STK32A: variants seen among roughly 807,000 people sequenced by gnomAD.
STK32A encodes the protein serine/threonine kinase 32A.
STK32A carries 41 observed loss-of-function variants against 53.2 expected under a neutral mutation model. The ratio of observed to expected loss-of-function variants is 0.77; its 90% confidence interval spans 0.60 to 1.00. The LOEUF (loss-of-function observed/expected upper bound fraction) is 1.00. STK32A is among the 50% of genes least tolerant of loss of function. The probability of loss-of-function intolerance (pLI) is 0.00; values close to 1 mark genes in which losing one functional copy is unlikely to be tolerated. For missense variants in STK32A, 458 were observed against 485.8 expected (o/e 0.94, Z 0.54); for synonymous variants, 166 against 162.8 (o/e 1.02, Z -0.15).
intron 11 of STK32A, among the ~76,000 whole-genome samples, chr5:147,382,218 C>T (rs73262284): frequency 6.6e-6 from 1 of 152,162 alleles, no homozygotes; most frequent in African/African-American, 2.4e-5. Context: ...GCCGTTGAAA[C>T]CCTGTAGCAA....
At chr5:147,364,739 A>G (rs1206408055) in intron 8 of STK32A, among the ~76,000 whole-genome samples, 4 of 152,120 alleles carry the variant, frequency 2.6e-5, no homozygotes, top group Non-Finnish European at 5.9e-5. Context: ...TTTTTGTAAT[A>G]AGGCCACTAA....
chr5:147,367,178 G>A (rs145653681), intron 8 of STK32A, among the ~76,000 whole-genome samples: 317 of 151,292 alleles, frequency 2.1e-3, no homozygotes, highest in African/African-American at 7.4e-3. Flanking sequence ...CAACCCTCCC[G>A]CCTGAGCCTC....
intron 4 of STK32A, among the ~76,000 whole-genome samples, chr5:147,305,237 A>C (rs1753345424): frequency 6.6e-6 from 1 of 152,184 alleles, no homozygotes; most frequent in Non-Finnish European, 1.5e-5. Flanking sequence ...GGAGAAAAGG[A>C]AAAAGAAAGA....
chr5:147,380,919 T>A (rs1341077154), intron 11 of STK32A, among the ~76,000 whole-genome samples: 2 of 152,222 alleles, frequency 1.3e-5, no homozygotes, highest in Non-Finnish European at 2.9e-5. Context: ...ATTAGCCTCT[T>A]ATACAAATAT....
intron 7 of STK32A, among the ~76,000 whole-genome samples, chr5:147,356,782 A>G (rs1325310948): frequency 6.6e-6 from 1 of 152,136 alleles, no homozygotes; most frequent in African/African-American, 2.4e-5. Context: ...GCCAACCAGT[A>G]TAGTGCAAAT....
At chr5:147,358,668 G>A (rs767893557) in intron 7 of STK32A, among the ~76,000 whole-genome samples, 3 of 152,050 alleles carry the variant, frequency 2.0e-5, no homozygotes, top group Non-Finnish European at 4.4e-5. Context: ...AGACACCAAA[G>A]AATACAAGGA....
chr5:147,335,808 C>T (rs964246098), intron 5 of STK32A, among the ~76,000 whole-genome samples: 4 of 151,998 alleles, frequency 2.6e-5, no homozygotes, highest in Admixed American at 1.3e-4. Flanking sequence ...TGTGTGTGCG[C>T]GCGTGCATGC....
intron 8 of STK32A, among the ~76,000 whole-genome samples, chr5:147,366,218 A>T (rs1756735631): frequency 6.6e-6 from 1 of 152,070 alleles, no homozygotes; most frequent in Non-Finnish European, 1.5e-5. Context: ...GCCTCTTAGA[A>T]CTTCTTCCTC....
Position 147,314,989 on chromosome 5 carries a change from T to G in STK32A, c.261-8909T>G, listed in dbSNP as rs146257126. ...GAAACTCCTGGGTTGAAGCAATCTT[T>G]CTGCCTCAGCCCCCCAAAGTGCTGT... On this transcript the variant is annotated intron_variant, in intron 4 of 12. Coordinates refer to ENST00000397936, the MANE Select transcript of STK32A (RefSeq NM_001112724.2). Among the ~76,000 whole-genome samples the G allele has an allele frequency of 9.0e-3, 1,376 of 152,174 alleles. 11 individuals are homozygous for G. Among genetic ancestry groups the G allele is most frequent in the Middle Eastern group, 0.027 (8 of 294 alleles).
chr5:147,332,619 CCTTT>C (rs897894949), intron 5 of STK32A, among the ~76,000 whole-genome samples: 34 of 152,048 alleles, frequency 2.2e-4, no homozygotes, highest in African/African-American at 7.7e-4. Context: ...AAGAAAATGC[CCTTT>C]CTTTTTGTTT....
intron 10 of STK32A, 119 bp downstream of exon 10, chr5:147,373,413 C>A (rs1318001465): frequency 7.4e-7 from 1 of 1,357,692 alleles, no homozygotes; most frequent in African/African-American, 1.5e-5. Context: ...GCCCCAATTC[C>A]CATTTTACAG....
chr5:147,343,036 C>A lies in STK32A; in HGVS notation c.465C>A (p.Asp155Glu), dbSNP rs182121665. The part of the protein sequence containing the change: ...RDMKPDNILL[D>E]EHGHVHITDF... Reference sequence around the variant, plus strand: ...TGAAGCCTGACAATATTTTACTTGACGAACATGGTAAGTGAGTGATTTGTT... The same window carrying A: ...TGAAGCCTGACAATATTTTACTTGAAGAACATGGTAAGTGAGTGATTTGTT... Residue 155 changes from aspartate (D) to glutamate (E), a missense_variant, in exon 6 of 13, where the codon GAC becomes GAA. Physicochemically the swap from Asp to Glu is conservative, Grantham distance 45 (BLOSUM62 2). Transcript: ENST00000397936. 2 of 1,613,116 alleles carry A rather than the reference C, an allele frequency of 1.2e-6. No individual in the cohort carries two copies. The highest frequency in any genetic ancestry group is 1.3e-5 in the African/African-American group (1 of 74,846).
chr5:147,310,065 T>G (rs1237293942), intron 4 of STK32A, among the ~76,000 whole-genome samples: 1 of 152,202 alleles, frequency 6.6e-6, no homozygotes, highest in Non-Finnish European at 1.5e-5. Context: ...CACTGATACT[T>G]TAATATTCTT....
At chr5:147,316,036 T>C (rs146454682) in intron 4 of STK32A, among the ~76,000 whole-genome samples, 1 of 152,290 alleles carries the variant, frequency 6.6e-6, no homozygotes, top group African/African-American at 2.4e-5. Context: ...ATACCATCAG[T>C]AGAATATATC....
chr5:147,361,678 T>G, intron 8 of STK32A, 64 bp downstream of exon 8: 4 of 1,167,680 alleles, frequency 3.4e-6, no homozygotes, highest in Non-Finnish European at 5.0e-6. Flanking sequence ...AATGAAAGAA[T>G]GTATTGTTTG....
downstream of STK32A, chr5:147,392,736 C>T (rs1757849890): frequency 6.6e-6 from 1 of 152,186 alleles, no homozygotes. Flanking sequence ...ATGTCACTTC[C>T]ACTCACTTGG....
At chr5:147,324,971 A>C (rs913029002) in intron 5 of STK32A, among the ~76,000 whole-genome samples, 1 of 152,162 alleles carries the variant, frequency 6.6e-6, no homozygotes, top group African/African-American at 2.4e-5. Context: ...TTTCATTATA[A>C]TATTCCCATT....
At chr5:147,257,340 T>C (rs1448336265) in intron 2 of STK32A, among the ~76,000 whole-genome samples, 1 of 152,096 alleles carries the variant, frequency 6.6e-6, no homozygotes, top group Non-Finnish European at 1.5e-5. Flanking sequence ...ATGCCCAGTC[T>C]GATGACAGTC....
chr5:147,346,983 G>GCT (rs987472913), intron 6 of STK32A, among the ~76,000 whole-genome samples: 3 of 152,176 alleles, frequency 2.0e-5, no homozygotes, highest in Non-Finnish European at 2.9e-5. Flanking sequence ...AGTGGACAGT[G>GCT]TCCTTTTAAA....
Sources: gnomAD v4.1 joint callset for allele counts (sites outside exome capture counted in the v4.1 genomes callset) on GRCh38, gnomAD v4.1.1 for gene constraint, MANE v1.5 for transcripts, NCBI Gene and HGNC (gene_info 2026-07-23, HGNC 2026-07-21) for gene names.